ST3GAL3: variants seen among roughly 807,000 people sequenced by gnomAD.
ST3GAL3 encodes CMP-N-acetylneuraminate-beta-1,4-galactoside alpha-2,3-sialyltransferase.
ST3GAL3 carries 21 observed loss-of-function variants against 50.1 expected under a neutral mutation model. The ratio of observed to expected loss-of-function variants is 0.42; its 90% CI spans 0.30 to 0.60. ST3GAL3 has a LOEUF of 0.60. ST3GAL3 is among the 20% of genes least tolerant of loss of function. The pLI, the probability that ST3GAL3 is intolerant of heterozygous loss-of-function variation, is 0.19. For synonymous variants in ST3GAL3, 183 were observed against 190.0 expected (o/e 0.96, Z 0.30); for missense variants, 353 against 489.4 (o/e 0.72, Z 2.63).
chr1:43,899,738 C>T lies in ST3GAL3; in HGVS notation c.744+11C>T. On this transcript the variant is annotated intron_variant, in intron 9 of 11. Transcript: ENST00000347631. This position sits in a 1 kb window ranked among gnomAD's most constrained non-coding sequence, Gnocchi z 5.4. ...TACAAGGAGAGAGTGGTAAGCTCTC[C>T]TGGCACCAGCTTCTTCCCCTCTTGC... 1 of 1,613,116 alleles carries T rather than the reference C, an allele frequency of 6.2e-7. No homozygotes were observed. The highest frequency in any genetic ancestry group is 8.5e-7 in the Non-Finnish European group (1 of 1,179,356).
chr1:43,847,641 T>C (rs2066480980), intron 5 of ST3GAL3, among the ~76,000 whole-genome samples: 1 of 152,060 alleles, frequency 6.6e-6, no homozygotes, highest in Non-Finnish European at 1.5e-5. Flanking sequence ...GAGGGAGGAA[T>C]GGAGAGTTAT....
intron 5 of ST3GAL3, chr1:43,851,585 A>G (rs1001924252): frequency 3.6e-6 from 5 of 1,397,812 alleles, no homozygotes; most frequent in Non-Finnish European, 5.1e-6. Flanking sequence ...TCTCCGAGGT[A>G]ATCAGCTCCA....
intron 1 of ST3GAL3, among the ~76,000 whole-genome samples, chr1:43,734,904 A>G (rs1391645386): frequency 4.6e-5 from 7 of 152,138 alleles, no homozygotes; most frequent in Middle Eastern, 3.4e-3. Flanking sequence ...TTCTTGGCCA[A>G]TGTTACATTT....
chr1:43,904,169 T>C (rs925601115), intron 9 of ST3GAL3, among the ~76,000 whole-genome samples: 2 of 152,092 alleles, frequency 1.3e-5, no homozygotes, highest in Non-Finnish European at 2.9e-5. Flanking sequence ...AGGAGCCTCC[T>C]GGTGAAAGGC....
At chr1:43,871,175 T>G (rs1435980476) in intron 5 of ST3GAL3, among the ~76,000 whole-genome samples, 1 of 152,070 alleles carries the variant, frequency 6.6e-6, no homozygotes, top group Non-Finnish European at 1.5e-5. Flanking sequence ...TTCCCAGGAC[T>G]CTCCTACATG....
chr1:43,817,344 TTCC>T (rs1422176552), intron 4 of ST3GAL3, among the ~76,000 whole-genome samples: 1 of 151,836 alleles, frequency 6.6e-6, no homozygotes, highest in African/African-American at 2.4e-5. Flanking sequence ...TTCTTCCTTC[TTCC>T]TTCTTCTTCT....
chr1:43,817,581 TCC>T (rs66739738), intron 4 of ST3GAL3, among the ~76,000 whole-genome samples: 3,953 of 54,484 alleles, frequency 0.073, 126 homozygotes, highest in African/African-American at 0.097. Flanking sequence ...CTTCTCCTTC[TCC>T]TCCTTCTCCT....
At chr1:43,910,955 C>G (rs899784448) in intron 9 of ST3GAL3, among the ~76,000 whole-genome samples, 1 of 152,082 alleles carries the variant, frequency 6.6e-6, no homozygotes, top group East Asian at 1.9e-4. Context: ...CCTTGAGAGA[C>G]CACTATCAGG....
chr1:43,831,300 G>A (rs2063508759), intron 4 of ST3GAL3, among the ~76,000 whole-genome samples: 1 of 152,230 alleles, frequency 6.6e-6, no homozygotes, highest in African/African-American at 2.4e-5. Flanking sequence ...AAGGTAGACA[G>A]GGCCCTGGCC....
intron 3 of ST3GAL3, among the ~76,000 whole-genome samples, chr1:43,801,872 C>T (rs146082071): frequency 8.0e-4 from 121 of 152,128 alleles, no homozygotes; most frequent in Middle Eastern, 3.4e-3. Flanking sequence ...AGCAGCATTG[C>T]GCCTTTAGTC....
At chr1:43,892,325 T>C (rs1349064554) in intron 5 of ST3GAL3, among the ~76,000 whole-genome samples, 1 of 152,158 alleles carries the variant, frequency 6.6e-6, no homozygotes, top group East Asian at 1.9e-4. Flanking sequence ...TAGTGTGATC[T>C]GACCTCACTG....
intron 9 of ST3GAL3, among the ~76,000 whole-genome samples, chr1:43,917,296 G>T (rs2081969491): frequency 6.7e-6 from 1 of 149,468 alleles, no homozygotes; most frequent in Non-Finnish European, 1.5e-5. Flanking sequence ...ATTTTTCCAT[G>T]CTTATTAACC....
chr1:43,843,471 T>C (rs972534003), intron 5 of ST3GAL3, among the ~76,000 whole-genome samples: 2 of 152,262 alleles, frequency 1.3e-5, no homozygotes, highest in Non-Finnish European at 2.9e-5. Flanking sequence ...TATTGTTCTT[T>C]TTACACATTG....
chr1:43,900,385 G>A (rs778103438), intron 9 of ST3GAL3, among the ~76,000 whole-genome samples: 1 of 152,166 alleles, frequency 6.6e-6, no homozygotes, highest in Non-Finnish European at 1.5e-5. Context: ...TAAGGGTCTG[G>A]GCCCATTTCT....
intron 2 of ST3GAL3, among the ~76,000 whole-genome samples, chr1:43,784,307 G>A (rs2056996573): frequency 6.6e-6 from 1 of 152,084 alleles, no homozygotes; most frequent in Non-Finnish European, 1.5e-5. Flanking sequence ...TCAGGAGTTC[G>A]AGACCAGCCT....
At chr1:43,840,542 T>G (rs1250060536) in intron 5 of ST3GAL3, 1 of 152,098 alleles carries the variant, frequency 6.6e-6, no homozygotes, top group Non-Finnish European at 1.5e-5. Context: ...CCTTGTGATA[T>G]TCTATTACCC....
chr1:43,765,255 C>T (rs1448326651), intron 2 of ST3GAL3, among the ~76,000 whole-genome samples: 1 of 152,162 alleles, frequency 6.6e-6, no homozygotes, highest in Non-Finnish European at 1.5e-5. Context: ...TCACTGGATT[C>T]TCTAAACCAG....
chr1:43,867,452 C>G (rs1378592661), intron 5 of ST3GAL3, among the ~76,000 whole-genome samples: 2 of 152,130 alleles, frequency 1.3e-5, no homozygotes, highest in Non-Finnish European at 2.9e-5. Context: ...TGAGATGCCT[C>G]TGGGACACTT....
At chr1:43,909,626 T>C (rs1213718759) in intron 9 of ST3GAL3, among the ~76,000 whole-genome samples, 1 of 152,164 alleles carries the variant, frequency 6.6e-6, no homozygotes, top group African/African-American at 2.4e-5. Context: ...AAAGTAAGGA[T>C]AGAAATCAAA....
Sources: gnomAD v4.1 joint callset for allele counts (sites outside exome capture counted in the v4.1 genomes callset) on GRCh38, gnomAD v4.1.1 for gene constraint, Gnocchi (gnomAD v3.1) non-coding constraint, MANE v1.5 for transcripts, NCBI Gene and HGNC (gene_info 2026-07-23, HGNC 2026-07-21) for gene names.